The following SEC61A1 variants were observed in gnomAD, a reference collection of about 807,000 sequenced individuals.
SEC61A1 encodes the protein SEC61 translocon subunit alpha 1.
A neutral mutation model predicts 55.2 loss-of-function variants in SEC61A1; 15 were observed. That is an observed-to-expected ratio of 0.27 (90% CI 0.18 to 0.42). The LOEUF is 0.42. SEC61A1 is among the 10% of genes least tolerant of loss of function. The pLI, the probability that SEC61A1 is intolerant of heterozygous loss-of-function variation, is 1.00. For missense variants in SEC61A1, 284 were observed against 602.6 expected (o/e 0.47, Z 5.53); for synonymous variants, 247 against 234.0 (o/e 1.06, Z -0.51).
At position 128,060,679 on chromosome 3, in the gene SEC61A1, C is replaced by A; in HGVS notation, c.616+18C>A. The A allele has an allele frequency of 6.2e-7, 1 of 1,607,016 alleles. No individual in the cohort carries two copies. The highest frequency in any genetic ancestry group is 1.1e-5 in the South Asian group (1 of 89,756). ...TGGCCGAGGTAAGGGCCCTGTGCTCCCCTGGTGGCGACAGCTTTCAGCAAA... is the reference window on the plus strand; with the variant it reads ...TGGCCGAGGTAAGGGCCCTGTGCTCACCTGGTGGCGACAGCTTTCAGCAAA... On this transcript the variant is annotated intron_variant, in intron 7 of 11. Coordinates refer to ENST00000243253, the MANE Select transcript of SEC61A1 (RefSeq NM_013336.4).
At chr3:128,053,999 G>T (rs1439611931) in intron 2 of SEC61A1, among the ~76,000 whole-genome samples, 2 of 152,260 alleles carry the variant, frequency 1.3e-5, no homozygotes, top group African/African-American at 2.4e-5. Context: ...TTGGTGACAA[G>T]AGTGTAGCAT....
upstream of SEC61A1, chr3:128,052,422 C>G (rs1479172942): frequency 8.0e-7 from 1 of 1,251,614 alleles, no homozygotes; most frequent in Non-Finnish European, 1.0e-6. Flanking sequence ...CGCCGCTTGC[C>G]GCCGGGCTAG....
intron 8 of SEC61A1, among the ~76,000 whole-genome samples, chr3:128,066,306 G>A (rs1941975936): frequency 6.6e-6 from 1 of 152,128 alleles, no homozygotes; most frequent in Admixed American, 6.5e-5. Context: ...TTGGGATTTG[G>A]GTGTGTGGCC....
chr3:128,056,876 TG>T, intron 5 of SEC61A1, 36 bp downstream of exon 5: 1 of 1,422,388 alleles, frequency 7.0e-7, no homozygotes, highest in Non-Finnish European at 9.3e-7. Flanking sequence ...TGTCTATAGT[TG>T]GAAAATTTGA....
intron 5 of SEC61A1, among the ~76,000 whole-genome samples, chr3:128,057,143 A>T (rs904748109): frequency 6.6e-6 from 1 of 152,156 alleles, no homozygotes; most frequent in African/African-American, 2.4e-5. Flanking sequence ...TACATAGGCC[A>T]TGCTGGTCTT....
chr3:128,069,194 A>G (rs1942078756), intron 11 of SEC61A1, among the ~76,000 whole-genome samples: 1 of 152,252 alleles, frequency 6.6e-6, no homozygotes, highest in African/African-American at 2.4e-5. Flanking sequence ...AAGAAAAACC[A>G]TGATGAAATA....
At chr3:128,056,069 A>G (rs1941765496) in intron 4 of SEC61A1, among the ~76,000 whole-genome samples, 1 of 152,210 alleles carries the variant, frequency 6.6e-6, no homozygotes, top group Non-Finnish European at 1.5e-5. Flanking sequence ...TCCATTGATA[A>G]CATTCTTCAG....
chr3:128,057,050 C>A (rs564242017), intron 5 of SEC61A1, among the ~76,000 whole-genome samples: 1 of 152,082 alleles, frequency 6.6e-6, no homozygotes, highest in Admixed American at 6.6e-5. Flanking sequence ...AATTCTGCCT[C>A]AGCTTCCCGA....
At chr3:128,058,123 A>T (rs1941799161) in intron 5 of SEC61A1, among the ~76,000 whole-genome samples, 1 of 151,890 alleles carries the variant, frequency 6.6e-6, no homozygotes, top group African/African-American at 2.4e-5. Context: ...TCTCCTATCC[A>T]GTCATCTTTT....
In SEC61A1 at chr3:128,060,066, A is replaced by G. The variant is rs569876053; in HGVS notation, c.353-36A>G. 6.0e-5 allele frequency: 88 copies of G among 1,454,932 alleles called. 1 individual carries two copies. In the South Asian group the frequency reaches 9.8e-4, roughly 16 times the overall value. The allele number at this position is 1,454,932 out of a possible 1,614,324, so 90.1% of individuals were successfully genotyped here. ...ATTGTTTCTTTTGTTCTGTGTAGTG[A>G]CCCACTTGGAAAACACTTCTTTCTT... On this transcript the variant is annotated intron_variant, in intron 5 of 11. Transcript: ENST00000243253.
At chr3:128,055,374 A>T (rs1215078556) in intron 2 of SEC61A1, 142 bp from the exon 3 acceptor site, 11 of 702,280 alleles carry the variant, frequency 1.6e-5, no homozygotes, top group Non-Finnish European at 2.8e-5. Flanking sequence ...TATGTTTGGT[A>T]CATGGTTTGG....
In SEC61A1 at chr3:128,070,686, A is replaced by G. The variant is rs1265433128; in HGVS notation, c.*1024A>G. On this transcript the variant is annotated 3_prime_UTR_variant, in exon 12 of 12. Transcript: ENST00000243253. ...TGCGTCACCAGTGTCGTCAGCAGAG[A>G]GAGGACAGCACAGGCTCAAGGTTGG... is the stretch of plus-strand genomic sequence containing the variant. 6.6e-6 allele frequency: 1 copy of G among 152,354 alleles called. No individual in the cohort carries two copies. Among genetic ancestry groups the G allele is most frequent in the Non-Finnish European group, 1.5e-5 (1 of 68,134 alleles). 9.4% of individuals were successfully genotyped at this position (152,354 alleles called of 1,614,324 possible). A position where few individuals can be genotyped will look rare whatever the true frequency, so the allele number is the denominator to read the frequency against.
intron 8 of SEC61A1, among the ~76,000 whole-genome samples, chr3:128,065,908 AT>A (rs749114427): frequency 1.8e-4 from 27 of 150,240 alleles, no homozygotes; most frequent in Non-Finnish European, 7.4e-5. Flanking sequence ...CGCCCGGCTA[AT>A]TTTTTTTTAT....
rs527957943 is a variant in SEC61A1 at position 128,069,816 on chromosome 3, C to A, written c.*154C>A. The A allele has an allele frequency of 1.2e-5, 9 of 727,658 alleles. 1 individual carries two copies. The South Asian group carries it at 1.9e-4, about 15-fold the overall frequency. The allele number at this position is 727,658 out of a possible 1,614,324, so 45.1% of individuals were successfully genotyped here. Reference sequence around the variant, plus strand: ...CACTGTGTAAAGTGCTAGACATTTTCCAATTTAAAATTTTGCTTTTTATCC... The same window carrying A: ...CACTGTGTAAAGTGCTAGACATTTTACAATTTAAAATTTTGCTTTTTATCC... On this transcript the variant is annotated 3_prime_UTR_variant, in exon 12 of 12. Coordinates refer to ENST00000243253, the MANE Select transcript of SEC61A1 (RefSeq NM_013336.4).
chr3:128,051,748 T>C (rs764032526), upstream of SEC61A1: 5 of 1,495,384 alleles, frequency 3.3e-6, no homozygotes, highest in South Asian at 2.6e-5. Flanking sequence ...CCAGGAGGCC[T>C]TCCTGAATTC....
chr3:128,052,770 C>T (rs868387998), intron 1 of SEC61A1, 65 bp from the exon 2 acceptor site: 8 of 1,547,398 alleles, frequency 5.2e-6, no homozygotes, highest in African/African-American at 2.7e-5. Flanking sequence ...GAAGGCGTCC[C>T]TGGGTAGCGC....
intron 2 of SEC61A1, among the ~76,000 whole-genome samples, chr3:128,053,348 C>T (rs1475636917): frequency 6.6e-6 from 1 of 152,100 alleles, no homozygotes; most frequent in Non-Finnish European, 1.5e-5. Context: ...TGATTTTGTA[C>T]CTTTTATGTA....
intron 4 of SEC61A1, 90 bp downstream of exon 4, chr3:128,055,841 C>A: frequency 9.7e-7 from 1 of 1,028,652 alleles, no homozygotes; most frequent in Non-Finnish European, 1.5e-6. Flanking sequence ...TTATATGGAA[C>A]TTAGAGAGTG....
At chr3:128,061,274 C>T (rs899108940) in intron 7 of SEC61A1, among the ~76,000 whole-genome samples, 3 of 152,200 alleles carry the variant, frequency 2.0e-5, no homozygotes, top group South Asian at 4.1e-4. Flanking sequence ...ATGCCTGGCT[C>T]CTGGTAGATG....
Sources: allele counts gnomAD v4.1 joint callset (sites outside exome capture counted in the v4.1 genomes callset), GRCh38; gene constraint gnomAD v4.1.1; transcripts MANE v1.5; gene names NCBI Gene and HGNC (gene_info 2026-07-23, HGNC 2026-07-21).